Variants in STK24 observed in about 807,000 individuals in gnomAD.
The protein encoded by STK24 is serine/threonine-protein kinase 24.
STK24 carries 21 observed loss-of-function variants against 55.6 expected under a neutral mutation model. The observed-to-expected ratio is 0.38, with a 90% confidence interval of 0.27 to 0.54. The LOEUF (loss-of-function observed/expected upper bound fraction) is 0.54, where lower values mean the gene tolerates loss of function less well. STK24 is among the 20% of genes least tolerant of loss of function. The pLI, the probability that STK24 is intolerant of heterozygous loss-of-function variation, is 0.79. For missense variants in STK24, 383 were observed against 538.4 expected (o/e 0.71, Z 2.86); for synonymous variants, 200 against 215.2 (o/e 0.93, Z 0.62).
chr13:98,576,486 G>A (rs766417420), intron 1 of STK24, among the ~76,000 whole-genome samples: 14 of 152,088 alleles, frequency 9.2e-5, no homozygotes, highest in Admixed American at 3.9e-4. Flanking sequence ...CGGAGGACTA[G>A]GCGCCCGCAC....
intron 1 of STK24, among the ~76,000 whole-genome samples, chr13:98,522,614 G>A (rs1896303394): frequency 6.6e-6 from 1 of 152,170 alleles, no homozygotes; most frequent in Non-Finnish European, 1.5e-5. Context: ...AGCTCAACAT[G>A]TGTGCACGGA....
chr13:98,528,555 T>G (rs988738769), intron 1 of STK24, among the ~76,000 whole-genome samples: 1 of 152,162 alleles, frequency 6.6e-6, no homozygotes, highest in Non-Finnish European at 1.5e-5. Context: ...CATTCCACAA[T>G]ACAACACAAC....
intron 2 of STK24, among the ~76,000 whole-genome samples, chr13:98,514,788 T>C (rs1413566257): frequency 6.6e-6 from 1 of 152,238 alleles, no homozygotes; most frequent in East Asian, 1.9e-4. Context: ...ACCTTATTTT[T>C]AGCATGCTAA....
intron 1 of STK24, among the ~76,000 whole-genome samples, chr13:98,567,156 C>T (rs1446093626): frequency 6.6e-6 from 1 of 152,220 alleles, no homozygotes; most frequent in African/African-American, 2.4e-5. Context: ...TCAAGTCCTC[C>T]ATCCATTAAC....
chr13:98,500,341 G>T (rs1415388777), intron 2 of STK24, among the ~76,000 whole-genome samples: 1 of 152,168 alleles, frequency 6.6e-6, no homozygotes, highest in East Asian at 1.9e-4. Context: ...ATCTTCCCAA[G>T]TGTGTTGGCT....
At chr13:98,512,806 A>G (rs1453529108) in intron 2 of STK24, among the ~76,000 whole-genome samples, 1 of 152,212 alleles carries the variant, frequency 6.6e-6, no homozygotes, top group Admixed American at 6.5e-5. Flanking sequence ...CTTTTGTAGA[A>G]AGAGTACAAG....
intron 2 of STK24, among the ~76,000 whole-genome samples, chr13:98,501,535 G>A (rs1370860014): frequency 1.3e-5 from 2 of 152,080 alleles, no homozygotes; most frequent in African/African-American, 4.8e-5. Context: ...CACCTTATCT[G>A]AATAATAAAC....
intron 6 of STK24, 24 bp from the exon 7 acceptor site, chr13:98,463,860 A>G (rs779329711): frequency 4.4e-6 from 7 of 1,609,004 alleles, no homozygotes; most frequent in Non-Finnish European, 5.9e-6. Context: ...CCCAACAATT[A>G]AAGTATGAGA....
chr13:98,567,385 G>A (rs1257129670), intron 1 of STK24, among the ~76,000 whole-genome samples: 1 of 152,190 alleles, frequency 6.6e-6, no homozygotes, highest in Non-Finnish European at 1.5e-5. Flanking sequence ...GCCCTGCCAA[G>A]AAGCACATAC....
chr13:98,568,487 T>C (rs1594676924), intron 1 of STK24, among the ~76,000 whole-genome samples: 1 of 152,246 alleles, frequency 6.6e-6, no homozygotes, highest in East Asian at 1.9e-4. Flanking sequence ...GATGAAAATA[T>C]ATTATCTGCA....
chr13:98,465,423 G>A (rs1244888642), intron 6 of STK24, among the ~76,000 whole-genome samples: 4 of 152,320 alleles, frequency 2.6e-5, no homozygotes, highest in African/African-American at 2.4e-5. Flanking sequence ...GGGAAGACAT[G>A]CCTGCACACA....
chr13:98,452,468 G>A lies in STK24; in HGVS notation c.*705C>T, dbSNP rs1893246942. 1 of 152,610 alleles carries A rather than the reference G, an allele frequency of 6.6e-6. No individual in the cohort carries two copies. Among genetic ancestry groups the A allele is most frequent in the East Asian group, 1.9e-4 (1 of 5,198 alleles). 9.5% of individuals were successfully genotyped at this position (152,610 alleles called of 1,614,324 possible). A position where few individuals can be genotyped will look rare whatever the true frequency, so the allele number is the denominator to read the frequency against. ...CCAAAAGGGGCGTAGGGCAAACGGG[G>A]AAAATTTGCATTTGTTGAGGTACAA... On this transcript the variant is annotated 3_prime_UTR_variant, in exon 11 of 11. Transcript: ENST00000539966.
At chr13:98,521,773 A>G in intron 1 of STK24, 1 of 780,912 alleles carries the variant, frequency 1.3e-6, no homozygotes, top group Non-Finnish European at 2.4e-6. Flanking sequence ...CCTCTCCCTT[A>G]CCGTGCTCCC....
At chr13:98,511,704 A>ATG (rs1353315922) in intron 2 of STK24, among the ~76,000 whole-genome samples, 1 of 152,118 alleles carries the variant, frequency 6.6e-6, no homozygotes, top group Admixed American at 6.5e-5. Flanking sequence ...CTAACAACAG[A>ATG]TGTGTGATTC....
intron 1 of STK24, among the ~76,000 whole-genome samples, chr13:98,521,387 A>C (rs1340296652): frequency 6.6e-6 from 1 of 152,182 alleles, no homozygotes; most frequent in Non-Finnish European, 1.5e-5. Flanking sequence ...GGTTTTAAAA[A>C]ACACAGTCCA....
intron 3 of STK24, among the ~76,000 whole-genome samples, chr13:98,475,708 C>CA (rs1894343969): frequency 6.6e-6 from 1 of 152,160 alleles, no homozygotes; most frequent in Non-Finnish European, 1.5e-5. Context: ...AGCCCACGAC[C>CA]CGGCCTGCGC....
At chr13:98,466,297 A>T in intron 6 of STK24, 79 bp downstream of exon 6, 1 of 1,408,108 alleles carries the variant, frequency 7.1e-7, no homozygotes, top group Non-Finnish European at 9.6e-7. Flanking sequence ...AAGAGTGATT[A>T]AAGCAATCCC....
intron 8 of STK24, 129 bp from the exon 9 acceptor site, chr13:98,460,569 C>A: frequency 2.9e-6 from 2 of 686,314 alleles, no homozygotes; most frequent in East Asian, 2.7e-5. Flanking sequence ...AGGAAACACC[C>A]TCTGCGCACC....
At chr13:98,465,330 G>A (rs1388853538) in intron 6 of STK24, among the ~76,000 whole-genome samples, 3 of 152,180 alleles carry the variant, frequency 2.0e-5, no homozygotes, top group Non-Finnish European at 4.4e-5. Context: ...TCATATTCTC[G>A]CCTCTCAGCC....
Sources: allele counts gnomAD v4.1 joint callset (sites outside exome capture counted in the v4.1 genomes callset), GRCh38; gene constraint gnomAD v4.1.1; transcripts MANE v1.5; gene names NCBI Gene and HGNC (gene_info 2026-07-23, HGNC 2026-07-21).